The following NRG4 variants were observed in gnomAD, a reference collection of about 807,000 sequenced individuals.
NRG4 encodes pro-neuregulin-4, membrane-bound isoform.
A neutral mutation model predicts 15.0 loss-of-function variants in NRG4; 10 were observed. The observed-to-expected ratio is 0.67, with a 90% CI of 0.41 to 1.13. The LOEUF is 1.13. NRG4 is among the 50% of genes most tolerant of loss of function. The probability of loss-of-function intolerance (pLI) is 0.00; values close to 1 mark genes in which losing one functional copy is unlikely to be tolerated. For synonymous variants in NRG4, 41 were observed against 50.1 expected (o/e 0.82, Z 0.77); for missense variants, 139 against 140.2 (o/e 0.99, Z 0.04).
At chr15:76,006,897 T>G (rs1476846205) in intron 3 of NRG4, among the ~76,000 whole-genome samples, 1 of 152,190 alleles carries the variant, frequency 6.6e-6, no homozygotes, top group Non-Finnish European at 1.5e-5. Context: ...ACTTATTCAG[T>G]GAGGTATAAC....
At chr15:76,012,747 A>C (rs576764384), upstream of NRG4, among the ~76,000 whole-genome samples, 1 of 152,114 alleles carries the variant, frequency 6.6e-6, no homozygotes, top group Non-Finnish European at 1.5e-5. Flanking sequence ...AATTAAAAAA[A>C]CATTTTTTTA....
intron 1 of NRG4, chr15:76,057,403 G>C (rs1364074408): frequency 6.6e-6 from 1 of 152,110 alleles, no homozygotes; most frequent in Non-Finnish European, 1.5e-5. Flanking sequence ...TGCTCCAAGT[G>C]AAAGTGAGAT....
chr15:75,987,900 A>T (rs1170536501), intron 3 of NRG4, among the ~76,000 whole-genome samples: 2 of 152,222 alleles, frequency 1.3e-5, no homozygotes, highest in Non-Finnish European at 2.9e-5. Context: ...CAAAAGCAGG[A>T]AGGTACACAT....
At chr15:75,955,792 C>CA (rs11341073) in intron 5 of NRG4, 140 bp downstream of exon 5, 25,519 of 301,366 alleles carry the variant, frequency 0.085, 106 homozygotes, top group African/African-American at 0.097. Context: ...GGTACCTGGC[C>CA]AAAAAAAAAA....
At chr15:76,056,522 T>C (rs2036156589) in intron 2 of NRG4, among the ~76,000 whole-genome samples, 1 of 151,944 alleles carries the variant, frequency 6.6e-6, no homozygotes, top group African/African-American at 2.4e-5. Context: ...GACTTAGATA[T>C]TGTATGTACT....
intron 4 of NRG4, among the ~76,000 whole-genome samples, chr15:76,040,838 T>C (rs2035718205): frequency 6.6e-6 from 1 of 152,112 alleles, no homozygotes; most frequent in Non-Finnish European, 1.5e-5. Context: ...GGCAGGAAAA[T>C]CGTTTGAACC....
At chr15:76,017,285 C>CT (rs1308096395), upstream of NRG4, among the ~76,000 whole-genome samples, 3 of 148,150 alleles carry the variant, frequency 2.0e-5, no homozygotes, top group Non-Finnish European at 4.5e-5. Flanking sequence ...GGTCTTGAAT[C>CT]TTTATCCAGT....
intron 5 of NRG4, among the ~76,000 whole-genome samples, chr15:75,951,834 A>G (rs2031921797): frequency 6.6e-6 from 1 of 152,166 alleles, no homozygotes; most frequent in Non-Finnish European, 1.5e-5. Context: ...ATTATTTCTT[A>G]AGGAGATTTA....
rs2141845227 is a variant in NRG4 at position 75,977,737 on chromosome 15, C to T, written c.105-15763G>A. 6.6e-6 allele frequency among the ~76,000 whole-genome samples: 1 copy of T among 152,336 alleles called. No homozygotes were observed. Among genetic ancestry groups the T allele is most frequent in the Non-Finnish European group, 1.5e-5 (1 of 68,026 alleles). The stretch of plus-strand genomic sequence containing the variant: ...TCTGCATTGGTCTCGCTGGGAGCTG[C>T]AGACCAGAGCTGTTCCTATTTGGCC... On this transcript the variant is annotated intron_variant, in intron 3 of 5. Coordinates refer to ENST00000394907, the MANE Select transcript of NRG4 (RefSeq NM_138573.4). This position sits in a 1 kb window ranked among gnomAD's most constrained non-coding sequence, Gnocchi z 4.9.
At chr15:75,969,231 A>C (rs1187425176) in intron 3 of NRG4, 1 of 456,212 alleles carries the variant, frequency 2.2e-6, no homozygotes, top group Non-Finnish European at 4.4e-6. Context: ...CTTCCTGACA[A>C]AAGAAGTTAA....
chr15:75,945,269 ATTTTATT>A (rs1336366834), intron 5 of NRG4, among the ~76,000 whole-genome samples: 7 of 127,956 alleles, frequency 5.5e-5, no homozygotes, highest in Non-Finnish European at 1.2e-4. Context: ...ATTTATTTTT[ATTTTATT>A]TTTTTTGTGG....
chr15:75,982,182 C>G (rs1255821308), intron 3 of NRG4, among the ~76,000 whole-genome samples: 1 of 152,056 alleles, frequency 6.6e-6, no homozygotes, highest in East Asian at 1.9e-4. Context: ...ATCCCAAAAC[C>G]TAACAAAGAT....
intron 5 of NRG4, 100 bp from the exon 6 acceptor site, chr15:75,943,754 C>T (rs2031240084): frequency 2.6e-6 from 2 of 760,090 alleles, no homozygotes; most frequent in Non-Finnish European, 4.5e-6. Context: ...CATATATAAG[C>T]CAACCCCTTC....
At chr15:75,997,146 A>G (rs1446975399) in intron 3 of NRG4, among the ~76,000 whole-genome samples, 1 of 152,140 alleles carries the variant, frequency 6.6e-6, no homozygotes, top group East Asian at 1.9e-4. Context: ...GGCAAAAATC[A>G]TTTCAGTAAC....
chr15:75,978,964 T>G (rs535461243), intron 3 of NRG4, among the ~76,000 whole-genome samples: 33 of 152,160 alleles, frequency 2.2e-4, no homozygotes, highest in Non-Finnish European at 4.3e-4. Flanking sequence ...TTCATCAGAT[T>G]ATTTGGGCTT....
chr15:76,038,760 G>A (rs1235399125), intron 4 of NRG4, among the ~76,000 whole-genome samples: 2 of 152,118 alleles, frequency 1.3e-5, no homozygotes, highest in Admixed American at 1.3e-4. Context: ...GGCTTTGAAT[G>A]AACATAAGTG....
At chr15:75,984,709 C>G (rs1385802564) in intron 3 of NRG4, among the ~76,000 whole-genome samples, 1 of 152,074 alleles carries the variant, frequency 6.6e-6, no homozygotes, top group African/African-American at 2.4e-5. Context: ...ATGGGTGCAG[C>G]AAACCACCAT....
At chr15:75,997,680 T>G (rs1469033263) in intron 3 of NRG4, among the ~76,000 whole-genome samples, 1 of 152,214 alleles carries the variant, frequency 6.6e-6, no homozygotes, top group African/African-American at 2.4e-5. Context: ...CAATGAAAGT[T>G]TAATCCTTGC....
intron 4 of NRG4, among the ~76,000 whole-genome samples, chr15:76,051,600 G>A (rs1451200855): frequency 2.1e-5 from 3 of 141,060 alleles, no homozygotes; most frequent in Admixed American, 7.2e-5. Context: ...GTCTCGCTCT[G>A]TCGCCCAGGC....
Sources: allele counts gnomAD v4.1 joint callset (sites outside exome capture counted in the v4.1 genomes callset), GRCh38; gene constraint gnomAD v4.1.1; non-coding constraint Gnocchi (gnomAD v3.1); transcripts MANE v1.5; gene names NCBI Gene and HGNC (gene_info 2026-07-23, HGNC 2026-07-21).